OR6N1: variants seen among roughly 807,000 people sequenced by gnomAD.
OR6N1 encodes olfactory receptor 6N1.
For synonymous variants in OR6N1, 170 were observed against 150.7 expected, an observed-to-expected ratio of 1.13 and a Z score of -0.94; for missense variants, 394 against 371.7, an observed-to-expected ratio of 1.06 and a Z score of -0.49.
At chr1:158,772,565 C>T (rs1157773863), upstream of OR6N1, among the ~76,000 whole-genome samples, 1 of 152,188 alleles carries the variant, frequency 6.6e-6, no homozygotes, top group Admixed American at 6.5e-5. Flanking sequence ...ATTTGACTGA[C>T]CTTCTTTGAC....
chr1:158,776,653 T>G, upstream of OR6N1: 1 of 1,329,038 alleles, frequency 7.5e-7, no homozygotes, highest in Non-Finnish European at 1.1e-6. Context: ...GAATTGAACA[T>G]TGAGGTGAGA....
the OR6N1 span, among the ~76,000 whole-genome samples, chr1:158,789,389 T>C: frequency 6.6e-6 from 1 of 152,210 alleles, no homozygotes; most frequent in Non-Finnish European, 1.5e-5. Flanking sequence ...ACAGTAGTTC[T>C]GTATTTAGTT....
the OR6N1 span, among the ~76,000 whole-genome samples, chr1:158,825,511 A>G: frequency 2.0e-5 from 3 of 152,274 alleles, no homozygotes; most frequent in East Asian, 3.9e-4. Context: ...ACCAACAAGC[A>G]TATGAAAAAA....
chr1:158,833,370 C>T, the OR6N1 span, among the ~76,000 whole-genome samples: 1 of 152,168 alleles, frequency 6.6e-6, no homozygotes, highest in Admixed American at 6.5e-5. Context: ...TAATCAGCTT[C>T]AAGTGTACAG....
the OR6N1 span, chr1:158,796,040 C>T: frequency 1.3e-5 from 2 of 152,254 alleles, no homozygotes; most frequent in Admixed American, 6.5e-5. Flanking sequence ...TCTAAGGGCC[C>T]GCCATGATCA....
the OR6N1 span, among the ~76,000 whole-genome samples, chr1:158,831,967 A>G: frequency 1.3e-5 from 2 of 152,194 alleles, no homozygotes; most frequent in Non-Finnish European, 2.9e-5. Flanking sequence ...TCTCTATTAT[A>G]TGATTTTATC....
chr1:158,786,861 G>C, the OR6N1 span, among the ~76,000 whole-genome samples: 1 of 152,144 alleles, frequency 6.6e-6, no homozygotes, highest in Non-Finnish European at 1.5e-5. Context: ...TGAGGAGGAT[G>C]AGAAATAAAA....
the OR6N1 span, among the ~76,000 whole-genome samples, chr1:158,797,896 A>G: frequency 1.3e-5 from 2 of 152,170 alleles, 1 homozygote; most frequent in East Asian, 3.8e-4. Context: ...TCACTTATTA[A>G]GCAAGCTGCC....
the OR6N1 span, among the ~76,000 whole-genome samples, chr1:158,816,946 C>T: frequency 6.6e-6 from 1 of 152,242 alleles, no homozygotes; most frequent in African/African-American, 2.4e-5. Flanking sequence ...GAGAAAGTCT[C>T]ACCACAGTCA....
rs535634905 is a variant in OR6N1 at position 158,764,351 on chromosome 1, A to G, written c.*1393T>C. 3.3e-5 allele frequency: 5 copies of G among 151,334 alleles called. No homozygotes were observed. Among genetic ancestry groups the G allele is most frequent in the Non-Finnish European group, 7.4e-5 (5 of 67,780 alleles). The allele number at this position is 151,334 out of a possible 1,614,324, so 9.4% of individuals were successfully genotyped here. A position where few individuals can be genotyped will look rare whatever the true frequency, so the allele number is the denominator to read the frequency against. On this transcript the variant is annotated 3_prime_UTR_variant, in exon 2 of 2. Transcript: ENST00000641846. ...TCTTAATACTACTTCCCACAATTATAATTAATTATAACTAATTATAAATTA... is the reference window on the plus strand; with the variant it reads ...TCTTAATACTACTTCCCACAATTATGATTAATTATAACTAATTATAAATTA...
chr1:158,802,811 T>C, the OR6N1 span, among the ~76,000 whole-genome samples: 2 of 152,218 alleles, frequency 1.3e-5, no homozygotes, highest in South Asian at 4.1e-4. Context: ...CTACCATTAT[T>C]ATTACCCAGG....
upstream of OR6N1, among the ~76,000 whole-genome samples, chr1:158,772,914 A>G (rs2102011503): frequency 6.6e-6 from 1 of 152,356 alleles, no homozygotes; most frequent in Non-Finnish European, 1.5e-5. Flanking sequence ...TAATTTGATC[A>G]TTCTACTCTG....
At chr1:158,828,390 C>T in the OR6N1 span, among the ~76,000 whole-genome samples, 1 of 152,202 alleles carries the variant, frequency 6.6e-6, no homozygotes, top group Non-Finnish European at 1.5e-5. Flanking sequence ...ATACAGCCAT[C>T]TCAAGTGGGA....
the OR6N1 span, among the ~76,000 whole-genome samples, chr1:158,793,490 T>C: frequency 1.3e-5 from 2 of 152,182 alleles, no homozygotes; most frequent in African/African-American, 4.8e-5. Context: ...TCAATGTTTA[T>C]AGTTTGTTGG....
the OR6N1 span, among the ~76,000 whole-genome samples, chr1:158,821,727 T>C: frequency 6.6e-6 from 1 of 152,320 alleles, no homozygotes; most frequent in South Asian, 2.1e-4. Flanking sequence ...CAATTATGAG[T>C]AAAGAGGCTA....
At position 158,765,746 on chromosome 1, in the gene OR6N1, A is replaced by G; in HGVS notation, c.937T>C (p.Ter313ArgextTer45). 1 of 1,610,170 alleles carries G rather than the reference A, an allele frequency of 6.2e-7. No homozygotes were observed. Among genetic ancestry groups the G allele is most frequent in the Non-Finnish European group, 8.5e-7 (1 of 1,176,876 alleles). The part of the protein sequence containing the change: ...RQLKRIGILA[*>R] ...CTTGGCCTACTCTCAGCCCCAACTCATGCCAATATCCCAATTCTCTTTAGC... is the reference window on the plus strand; with the variant it reads ...CTTGGCCTACTCTCAGCCCCAACTCGTGCCAATATCCCAATTCTCTTTAGC... The change falls in exon 2 of 2, where the codon TGA becomes CGA. Residue 313 changes from the stop codon to arginine, a stop_lost. Transcript: ENST00000641846.
chr1:158,777,446 T>A, the OR6N1 span: 6 of 1,614,204 alleles, frequency 3.7e-6, no homozygotes, highest in Middle Eastern at 1.7e-4. Context: ...GAAAGAACAC[T>A]GACAAAGTGG....
the OR6N1 span, among the ~76,000 whole-genome samples, chr1:158,793,060 G>C: frequency 6.6e-6 from 1 of 151,942 alleles, no homozygotes; most frequent in Non-Finnish European, 1.5e-5. Flanking sequence ...CTAATCTACT[G>C]TTAAAACTTT....
At chr1:158,785,029 T>G in the OR6N1 span, among the ~76,000 whole-genome samples, 69 of 152,356 alleles carry the variant, frequency 4.5e-4, 1 homozygote, top group Non-Finnish European at 8.8e-4. Context: ...GTAAGCTTTT[T>G]GAGGGCAGAG....
Sources: gnomAD v4.1 joint callset for allele counts (sites outside exome capture counted in the v4.1 genomes callset) on GRCh38, gnomAD v4.1.1 for gene constraint, MANE v1.5 for transcripts, NCBI Gene and HGNC (gene_info 2026-07-23, HGNC 2026-07-21) for gene names.